The following ZFHX4 variants were observed in gnomAD, a reference collection of about 807,000 sequenced individuals.
The protein encoded by ZFHX4 is zinc finger homeobox 4.
In ZFHX4, 56 loss-of-function variants were observed where a neutral mutation model predicts 267.6. The observed-to-expected ratio is 0.21, with a 90% confidence interval of 0.17 to 0.26. ZFHX4 has a LOEUF of 0.26. Among genes scored for constraint, ZFHX4 ranks in the 10% least tolerant of loss-of-function variants. The pLI is 1.00. For missense variants in ZFHX4, 4,332 were observed against 4,420.0 expected (o/e 0.98, Z 0.56); for synonymous variants, 1,778 against 1,665.6 (o/e 1.07, Z -1.64).
chr8:76,808,599 G>A (rs867085187), intron 4 of ZFHX4, among the ~76,000 whole-genome samples: 1 of 152,056 alleles, frequency 6.6e-6, no homozygotes, highest in Non-Finnish European at 1.5e-5. Context: ...GATAAGTGTC[G>A]CAGTTAAGAG....
At chr8:76,798,817 C>CT (rs1166874655) in intron 4 of ZFHX4, among the ~76,000 whole-genome samples, 2 of 151,528 alleles carry the variant, frequency 1.3e-5, no homozygotes, top group Non-Finnish European at 2.9e-5. Flanking sequence ...GATGCCACCT[C>CT]TTTTTTTTAA....
rs776419054 is a variant in ZFHX4, at chr8:76,854,784, T to C, written c.7863T>C (p.Tyr2621=). Residue 2621 remains tyrosine (Y), a synonymous_variant, in exon 10 of 11, where the codon TAT becomes TAC. Transcript: ENST00000651372. ...CCCCGGAACAGCTGGAAATACTCTA[T>C]GAAAAATACTTGCTGGATTCCAATC... ...TITPEQLEIL[Y]EKYLLDSNPT... The C allele has an allele frequency of 1.1e-5, 17 of 1,610,238 alleles. No homozygotes were observed. Among genetic ancestry groups the C allele is most frequent in the Non-Finnish European group, 1.4e-5 (16 of 1,178,662 alleles).
intron 3 of ZFHX4, among the ~76,000 whole-genome samples, chr8:76,752,845 A>G (rs1441028633): frequency 6.6e-6 from 1 of 152,210 alleles, no homozygotes; most frequent in African/African-American, 2.4e-5. Flanking sequence ...GTAATCCAAG[A>G]AAGTGAATTC....
chr8:76,785,686 A>C (rs1235774441), intron 4 of ZFHX4, among the ~76,000 whole-genome samples: 3 of 152,186 alleles, frequency 2.0e-5, no homozygotes, highest in Non-Finnish European at 4.4e-5. Flanking sequence ...TTTTTATTTG[A>C]AATACAAAGA....
At position 76,754,318 on chromosome 8, in the gene ZFHX4, T is replaced by C. The variant is rs986949747; in HGVS notation, c.3094-23890T>C. On this transcript the variant is annotated intron_variant, in intron 3 of 10. Transcript: ENST00000651372. ...GCCTGGCCAACGTGACAAAACCCTG[T>C]CTCTACCAAAAAATACAAAAATTAG... Among the ~76,000 whole-genome samples, 8 of 152,098 alleles carry C rather than the reference T, an allele frequency of 5.3e-5. No homozygotes were observed. In the East Asian group the frequency reaches 1.2e-3, roughly 22 times the overall value.
intron 4 of ZFHX4, among the ~76,000 whole-genome samples, chr8:76,790,559 G>T (rs956909568): frequency 2.6e-5 from 4 of 152,016 alleles, no homozygotes; most frequent in African/African-American, 7.2e-5. Context: ...TCTACATAAA[G>T]AATTATTGGC....
intron 3 of ZFHX4, among the ~76,000 whole-genome samples, chr8:76,725,826 A>T (rs73347355): frequency 9.8e-5 from 15 of 152,334 alleles, no homozygotes; most frequent in African/African-American, 3.6e-4. Context: ...CTCCTGTGCC[A>T]GTACAATTGC....
At chr8:76,771,031 T>C (rs949718003) in intron 3 of ZFHX4, among the ~76,000 whole-genome samples, 1 of 152,166 alleles carries the variant, frequency 6.6e-6, no homozygotes, top group Non-Finnish European at 1.5e-5. Flanking sequence ...ACTGGAAGTG[T>C]GCTGGAAAAG....
chr8:76,711,855 G>C (rs752023298), intron 3 of ZFHX4, among the ~76,000 whole-genome samples: 1 of 152,142 alleles, frequency 6.6e-6, no homozygotes, highest in Non-Finnish European at 1.5e-5. Context: ...TTTGTTCTTG[G>C]CTCAGTATGG....
At chr8:76,856,395 TA>T (rs757943277) in intron 10 of ZFHX4, 95 bp downstream of exon 10, 1 of 1,361,326 alleles carries the variant, frequency 7.3e-7, no homozygotes, top group South Asian at 1.2e-5. Context: ...GGATTTCTTT[TA>T]ATTTCAGCTA....
chr8:76,709,654 G>A (rs1408933369), intron 3 of ZFHX4, among the ~76,000 whole-genome samples: 1 of 152,092 alleles, frequency 6.6e-6, no homozygotes, highest in East Asian at 1.9e-4. Context: ...GTGAATGGAA[G>A]ATATAAATGT....
At chr8:76,719,152 G>A (rs1231287063) in intron 3 of ZFHX4, among the ~76,000 whole-genome samples, 2 of 66,322 alleles carry the variant, frequency 3.0e-5, no homozygotes, top group Non-Finnish European at 4.9e-5. Flanking sequence ...TGAATTGCAT[G>A]TGTGTGTGTG....
chr8:76,793,528 A>G (rs1238588417), intron 4 of ZFHX4, among the ~76,000 whole-genome samples: 3 of 152,326 alleles, frequency 2.0e-5, no homozygotes, highest in Non-Finnish European at 4.4e-5. Flanking sequence ...GGAAACACAC[A>G]TGGATTTGCT....
In ZFHX4 at chr8:76,855,645, C is replaced by G. The variant is rs763465893; in HGVS notation, c.8724C>G (p.Ser2908Arg). 6.2e-7 allele frequency: 1 copy of G among 1,613,736 alleles called. No homozygotes were observed. Among genetic ancestry groups the G allele is most frequent in the Non-Finnish European group, 8.5e-7 (1 of 1,179,838 alleles). ...AAACGTCCAGCATAGCGGACCCGAG[C>G]TCCCCAAATCCATTCGGATCCAGCA... ...RSETSSIADP[S>R]SPNPFGSSNP... The change falls in exon 10 of 11, where the codon AGC becomes AGG. Residue 2908 changes from serine to arginine, a missense_variant. This residue lies in a region of ZFHX4 where 1,648 missense variants were observed against 1,625.0 expected (regional missense o/e 1.01). Transcript: ENST00000651372.
Position 76,855,864 on chromosome 8 carries a change from G to A in ZFHX4, c.8943G>A (p.Arg2981=), listed in dbSNP as rs758439279. Reference sequence around the variant, plus strand: ...TCCAGGTGTGGTTCCAAAATGCAAGGGCAAAGGAAAAGAAATTTAAAATTA... The same window carrying A: ...TCCAGGTGTGGTTCCAAAATGCAAGAGCAAAGGAAAAGAAATTTAAAATTA... The part of the protein sequence containing the change: ...RVVQVWFQNA[R]AKEKKFKINI... The change falls in exon 10 of 11, where the codon AGG becomes AGA. Residue 2981 remains arginine (R), a synonymous_variant. Transcript: ENST00000651372. 7.4e-6 allele frequency: 12 copies of A among 1,613,682 alleles called. No individual in the cohort carries two copies. The African/African-American group carries it at 1.6e-4, about 22-fold the overall frequency.
At chr8:76,816,069 C>T (rs1223284702) in intron 4 of ZFHX4, among the ~76,000 whole-genome samples, 1 of 152,124 alleles carries the variant, frequency 6.6e-6, no homozygotes, top group Non-Finnish European at 1.5e-5. Context: ...TAAAACTCAC[C>T]TAGGTCCACT....
chr8:76,685,443 A>C (rs2131575174), intron 1 of ZFHX4, among the ~76,000 whole-genome samples: 1 of 152,342 alleles, frequency 6.6e-6, no homozygotes. Flanking sequence ...TTCGTTATAA[A>C]GACTAAAGAC....
intron 4 of ZFHX4, among the ~76,000 whole-genome samples, chr8:76,795,217 A>G (rs896961035): frequency 1.3e-5 from 2 of 152,188 alleles, no homozygotes; most frequent in African/African-American, 2.4e-5. Flanking sequence ...ACATTTGACA[A>G]TATAGGAAAA....
Position 76,855,648 on chromosome 8 carries a change from C to T in ZFHX4, c.8727C>T (p.Ser2909=). Residue 2909 remains serine, a synonymous_variant, in exon 10 of 11, where the codon TCC becomes TCT. Coordinates refer to ENST00000651372, the MANE Select transcript of ZFHX4 (RefSeq NM_024721.5). ...CGTCCAGCATAGCGGACCCGAGCTC[C>T]CCAAATCCATTCGGATCCAGCAATC... ...SETSSIADPS[S]PNPFGSSNPF... is the part of the protein sequence containing the mutation. The T allele has an allele frequency of 1.9e-6, 3 of 1,613,928 alleles. No homozygotes were observed. Among genetic ancestry groups the T allele is most frequent in the Non-Finnish European group, 2.5e-6 (3 of 1,179,862 alleles).
Sources: gnomAD v4.1 joint callset for allele counts (sites outside exome capture counted in the v4.1 genomes callset) on GRCh38, gnomAD v4.1.1 for gene constraint, gnomAD v4.1.1 regional missense constraint, MANE v1.5 for transcripts, NCBI Gene and HGNC (gene_info 2026-07-23, HGNC 2026-07-21) for gene names.